Variants in ZNF611 observed in about 807,000 individuals in gnomAD.
The protein encoded by ZNF611 is zinc finger protein 611.
Under a neutral mutation model 8.9 loss-of-function variants are expected in ZNF611, and 6 were observed. The ratio of observed to expected loss-of-function variants is 0.68; its 90% CI spans 0.37 to 1.34. ZNF611 has a LOEUF of 1.34. Among genes scored for constraint, ZNF611 ranks in the 40% most tolerant of loss-of-function variants. The pLI is 0.02. For synonymous variants in ZNF611, 262 were observed against 279.7 expected (o/e 0.94, Z 0.63); for missense variants, 874 against 841.3 (o/e 1.04, Z -0.48).
intron 5 of ZNF611, among the ~76,000 whole-genome samples, chr19:52,710,034 C>T (rs1466461597): frequency 2.0e-5 from 3 of 152,130 alleles, no homozygotes; most frequent in African/African-American, 7.2e-5. Flanking sequence ...TTTCCAGATT[C>T]ATGAGCAACA....
intron 2 of ZNF611, chr19:52,729,686 A>G (rs1411378015): frequency 6.6e-6 from 1 of 152,142 alleles, no homozygotes; most frequent in Admixed American, 6.6e-5. Flanking sequence ...CTTAAATATT[A>G]GTCAGTAAAC....
intron 5 of ZNF611, among the ~76,000 whole-genome samples, chr19:52,712,997 C>A (rs535244118): frequency 2.8e-4 from 42 of 152,216 alleles, no homozygotes; most frequent in Non-Finnish European, 5.7e-4. Context: ...CTATCAAAAT[C>A]AGCCTGGCCA....
At chr19:52,729,440 C>A (rs1257321615) in intron 2 of ZNF611, among the ~76,000 whole-genome samples, 3 of 131,532 alleles carry the variant, frequency 2.3e-5, no homozygotes, top group Non-Finnish European at 4.6e-5. Flanking sequence ...TTGCAGGGAG[C>A]CAAGATTGCG....
At chr19:52,720,365 G>A (rs929111204) in intron 3 of ZNF611, among the ~76,000 whole-genome samples, 1 of 151,862 alleles carries the variant, frequency 6.6e-6, no homozygotes, top group Non-Finnish European at 1.5e-5. Context: ...TCCCCGACGG[G>A]GCGGCCGGGC....
At chr19:52,732,687 G>A (rs1042159296) in intron 1 of ZNF611, among the ~76,000 whole-genome samples, 2 of 151,242 alleles carry the variant, frequency 1.3e-5, no homozygotes, top group South Asian at 2.1e-4. Context: ...AATCCCACCC[G>A]TAATCCCAGT....
chr19:52,731,948 G>C (rs1430946965), intron 1 of ZNF611, among the ~76,000 whole-genome samples: 2 of 150,246 alleles, frequency 1.3e-5, no homozygotes, highest in Admixed American at 6.7e-5. Flanking sequence ...TCCAGCCTTG[G>C]CAACAAGAGC....
At chr19:52,734,099 C>T (rs1234964610) in intron 1 of ZNF611, among the ~76,000 whole-genome samples, 2 of 141,988 alleles carry the variant, frequency 1.4e-5, no homozygotes, top group African/African-American at 5.4e-5. Flanking sequence ...CTGCCACTCC[C>T]CCTACCTTGT....
chr19:52,715,739 G>A lies in ZNF611; in HGVS notation c.63+93C>T, dbSNP rs376238. 8 of 1,574,306 alleles carry A rather than the reference G, an allele frequency of 5.1e-6. 1 individual carries two copies. The South Asian group carries it at 5.7e-5, about 11-fold the overall frequency. ...GAGTGCGAGTGAACGTGTCAGACAAGATGCTTCAGACTCAGAAAAGACTGG... is the reference window on the plus strand; with the variant it reads ...GAGTGCGAGTGAACGTGTCAGACAAAATGCTTCAGACTCAGAAAAGACTGG... On this transcript the variant is annotated intron_variant, in intron 4 of 5. Coordinates refer to ENST00000652185, the MANE Select transcript of ZNF611 (RefSeq NM_001161499.2).
chr19:52,718,053 T>G lies in ZNF611; in HGVS notation c.-19-2140A>C, dbSNP rs187264709. On this transcript the variant is annotated intron_variant, in intron 3 of 5. Transcript: ENST00000652185. ...AAATATTTGAAAATATACCATACTT[T>G]GAAAACAATGAGGCCAGGCATGGTG... Among the ~76,000 whole-genome samples, 254 of 152,214 alleles carry G rather than the reference T, an allele frequency of 1.7e-3. 1 individual carries two copies. The highest frequency in any genetic ancestry group is 5.9e-3 in the African/African-American group (247 of 41,536).
Position 52,706,049 on chromosome 19 carries a change from T to C in ZNF611, c.1006A>G (p.Ile336Val), listed in dbSNP as rs754302540. ...QNSALLIDKA[I>V]DTGENPYKCN... is the part of the protein sequence containing the mutation. The stretch of plus-strand genomic sequence containing the variant: ...TTGTAAGGATTTTCTCCAGTATCAA[T>C]TGCCTTATCAATTAGAAGGGCTGAA... The change falls in exon 6 of 6, where the codon ATT becomes GTT. Residue 336 changes from isoleucine (I) to valine (V), a missense_variant. Coordinates refer to ENST00000652185, the MANE Select transcript of ZNF611 (RefSeq NM_001161499.2). The C allele has an allele frequency of 2.6e-5, 42 of 1,614,002 alleles. No homozygotes were observed. The highest frequency in any genetic ancestry group is 1.5e-4 in the Admixed American group (9 of 59,994).
At chr19:52,713,953 G>C in intron 5 of ZNF611, 62 bp downstream of exon 5, 1 of 1,597,298 alleles carries the variant, frequency 6.3e-7, no homozygotes, top group Non-Finnish European at 8.5e-7. Context: ...AGGATACAAA[G>C]CCAGGATGAG....
intron 4 of ZNF611, among the ~76,000 whole-genome samples, chr19:52,715,083 C>T (rs1472683178): frequency 6.6e-6 from 1 of 152,040 alleles, no homozygotes; most frequent in Admixed American, 6.6e-5. Flanking sequence ...TTCAACATAC[C>T]GGGTGATATT....
chr19:52,715,719 C>A, intron 4 of ZNF611, 113 bp downstream of exon 4: 4 of 1,516,904 alleles, frequency 2.6e-6, no homozygotes, highest in Non-Finnish European at 3.6e-6. Flanking sequence ...TGGGTGAGTG[C>A]GAGTGAACGT....
At chr19:52,721,580 GAGGCAGGAGAATC>G (rs930725971) in intron 3 of ZNF611, among the ~76,000 whole-genome samples, 190 of 152,266 alleles carry the variant, frequency 1.2e-3, no homozygotes, top group African/African-American at 4.3e-3. Context: ...TCAGCAGGCT[GAGGCAGGAGAATC>G]AGGCAGGGAG....
intron 5 of ZNF611, among the ~76,000 whole-genome samples, chr19:52,710,179 C>G (rs1369422708): frequency 6.6e-6 from 1 of 151,792 alleles, no homozygotes; most frequent in African/African-American, 2.4e-5. Context: ...CATGCCTCAG[C>G]CTCTTGAGTA....
At chr19:52,731,517 T>A (rs1027183632) in intron 1 of ZNF611, among the ~76,000 whole-genome samples, 1 of 151,928 alleles carries the variant, frequency 6.6e-6, no homozygotes, top group East Asian at 2.0e-4. Flanking sequence ...GAGTCTGCCA[T>A]CACTACCGGC....
intron 1 of ZNF611, among the ~76,000 whole-genome samples, chr19:52,732,168 G>A (rs2062429717): frequency 6.6e-6 from 1 of 152,008 alleles, no homozygotes; most frequent in Non-Finnish European, 1.5e-5. Flanking sequence ...TACTCCGGAG[G>A]CTGAGGCAGG....
At position 52,705,844 on chromosome 19, in the gene ZNF611, T is replaced by C. The variant is rs1487471306; in HGVS notation, c.1211A>G (p.Asp404Gly). The change falls in exon 6 of 6, where the codon GAC (aspartate) becomes GGC (glycine). Residue 404 changes from aspartate (D) to glycine (G), a missense_variant. Physicochemically the swap from Asp to Gly is moderately conservative, Grantham distance 94. Coordinates refer to ENST00000652185, the MANE Select transcript of ZNF611 (RefSeq NM_001161499.2). Reference protein sequence around the residue: ...GEKPYRCKVCDTAFTWHSQLA... With the variant: ...GEKPYRCKVCGTAFTWHSQLA... ...CTGTGAATGCCACGTGAAAGCTGTG[T>C]CACAAACCTTACATCTGTATGGTTT... The C allele has an allele frequency of 6.2e-6, 10 of 1,614,098 alleles. No homozygotes were observed. The highest frequency in any genetic ancestry group is 8.5e-6 in the Non-Finnish European group (10 of 1,180,008).
chr19:52,710,656 C>T (rs1385254420), intron 5 of ZNF611, among the ~76,000 whole-genome samples: 3 of 152,116 alleles, frequency 2.0e-5, no homozygotes, highest in African/African-American at 4.8e-5. Flanking sequence ...AAAGCCACTG[C>T]GGCTGGCCAG....
Sources: gnomAD v4.1 joint callset for allele counts (sites outside exome capture counted in the v4.1 genomes callset) on GRCh38, gnomAD v4.1.1 for gene constraint, MANE v1.5 for transcripts, NCBI Gene and HGNC (gene_info 2026-07-23, HGNC 2026-07-21) for gene names.